Variants in AK9 observed in about 807,000 individuals in gnomAD.
AK9 encodes adenylate kinase 9, also known as adenylate kinase domain containing 1.
AK9 carries 191 observed loss-of-function variants against 239.6 expected under a neutral mutation model. The observed-to-expected ratio is 0.80, with a 90% CI of 0.71 to 0.90. AK9 has a LOEUF of 0.90. Among genes scored for constraint, AK9 ranks in the 40% least tolerant of loss-of-function variants. The pLI, the probability that AK9 is intolerant of heterozygous loss-of-function variation, is 0.00. For synonymous variants in AK9, 689 were observed against 721.0 expected (o/e 0.96, Z 0.71); for missense variants, 1,995 against 2,214.7 (o/e 0.90, Z 1.99).
chr6:109,602,505 C>T (rs28823411), intron 17 of AK9, among the ~76,000 whole-genome samples: 2 of 151,980 alleles, frequency 1.3e-5, no homozygotes, highest in East Asian at 1.9e-4. Flanking sequence ...CTGCCCTTAA[C>T]ATTTTTTCCT....
intron 29 of AK9, among the ~76,000 whole-genome samples, chr6:109,518,309 C>T (rs1466854222): frequency 6.6e-6 from 1 of 152,036 alleles, no homozygotes; most frequent in African/African-American, 2.4e-5. Flanking sequence ...ATCATTTAGC[C>T]TCCTTACGAC....
chr6:109,508,748 G>T (rs1226829120), intron 33 of AK9, among the ~76,000 whole-genome samples: 1 of 152,128 alleles, frequency 6.6e-6, no homozygotes, highest in Non-Finnish European at 1.5e-5. Context: ...GTCCAAATGT[G>T]GTGTTAAGGG....
Position 109,586,031 on chromosome 6 carries a change from T to A in AK9, c.1884A>T (p.Lys628Asn). The change falls in exon 18 of 41, where the codon AAA becomes AAT. Residue 628 changes from lysine (K) to asparagine (N), a missense_variant. By Grantham distance (94) the Lys-to-Asn change is moderately conservative. Coordinates refer to ENST00000424296, the MANE Select transcript of AK9 (RefSeq NM_001145128.3). Reference sequence around the variant, plus strand: ...AGTTGTCCACAATCCAGCCTCCATATTTTGGGGCACCAGGAAACCTATCCT... The same window carrying A: ...AGTTGTCCACAATCCAGCCTCCATAATTTGGGGCACCAGGAAACCTATCCT... ...ENKDRFPGAP[K>N]YGGWIVDNCP... 3 of 1,551,264 alleles carry A rather than the reference T, an allele frequency of 1.9e-6. No homozygotes were observed. Among genetic ancestry groups the A allele is most frequent in the Non-Finnish European group, 2.6e-6 (3 of 1,146,842 alleles).
chr6:109,687,494 G>A (rs1304756451), intron 1 of AK9, among the ~76,000 whole-genome samples: 1 of 152,192 alleles, frequency 6.6e-6, no homozygotes, highest in African/African-American at 2.4e-5. Context: ...CTTTCTGTTG[G>A]CTTGGAAGAA....
intron 26 of AK9, among the ~76,000 whole-genome samples, chr6:109,545,442 C>A (rs552590920): frequency 6.6e-6 from 1 of 152,126 alleles, no homozygotes; most frequent in Non-Finnish European, 1.5e-5. Flanking sequence ...TGGGGGCAGG[C>A]CTTTCCCATG....
Position 109,599,642 on chromosome 6 carries a change from T to C in AK9, c.1842+10723A>G, listed in dbSNP as rs567598656. Among the ~76,000 whole-genome samples the C allele has an allele frequency of 3.3e-3, 501 of 152,308 alleles. 7 individuals are homozygous for C. The highest frequency in any genetic ancestry group is 0.019 in the Admixed American group (297 of 15,292). ...CATTGGTAGCTTGATGGGGATGGCATTGAATCTATAAATTACCTTGGGCAG... is the reference window on the plus strand; with the variant it reads ...CATTGGTAGCTTGATGGGGATGGCACTGAATCTATAAATTACCTTGGGCAG... On this transcript the variant is annotated intron_variant, in intron 17 of 40. Coordinates refer to ENST00000424296, the MANE Select transcript of AK9 (RefSeq NM_001145128.3).
chr6:109,567,903 AG>A (rs200361749), intron 21 of AK9, among the ~76,000 whole-genome samples: 1,699 of 151,436 alleles, frequency 0.011, 29 homozygotes, highest in African/African-American at 0.038. Context: ...AAAAAGAAAA[AG>A]GGAATCCTCC....
At chr6:109,626,030 T>C (rs2128258827) in intron 12 of AK9, among the ~76,000 whole-genome samples, 1 of 152,270 alleles carries the variant, frequency 6.6e-6, no homozygotes, top group African/African-American at 2.4e-5. Context: ...TCTTTCAATA[T>C]TTTTTTCTCC....
At chr6:109,640,064 T>C (rs1797207801) in intron 10 of AK9, among the ~76,000 whole-genome samples, 2 of 152,210 alleles carry the variant, frequency 1.3e-5, no homozygotes, top group South Asian at 2.1e-4. Context: ...TGTAGTATAG[T>C]TTGAAGTCAG....
intron 28 of AK9, among the ~76,000 whole-genome samples, chr6:109,529,970 C>A (rs1408294686): frequency 1.3e-5 from 2 of 152,102 alleles, no homozygotes; most frequent in Non-Finnish European, 1.5e-5. Flanking sequence ...GTTGGGAACC[C>A]CTGGCCTAAC....
intron 17 of AK9, among the ~76,000 whole-genome samples, chr6:109,603,939 G>A (rs1231673049): frequency 4.6e-5 from 7 of 152,172 alleles, no homozygotes; most frequent in Non-Finnish European, 1.0e-4. Flanking sequence ...TATTAGGGTT[G>A]GAGTGACCCG....
chr6:109,616,034 G>C (rs1395483622), intron 13 of AK9, among the ~76,000 whole-genome samples: 2 of 151,902 alleles, frequency 1.3e-5, no homozygotes, highest in African/African-American at 4.8e-5. Context: ...CCAGGAGTTA[G>C]AGACCAGCCT....
intron 29 of AK9, among the ~76,000 whole-genome samples, chr6:109,520,320 A>G (rs1779703071): frequency 6.6e-6 from 1 of 152,174 alleles, no homozygotes; most frequent in Admixed American, 6.5e-5. Flanking sequence ...ATCCAGTTTC[A>G]TTCTTCTGCA....
intron 17 of AK9, among the ~76,000 whole-genome samples, chr6:109,608,260 CAG>C (rs1654653780): frequency 7.2e-6 from 1 of 138,956 alleles, no homozygotes; most frequent in African/African-American, 2.7e-5. Flanking sequence ...GCCTGGGTGA[CAG>C]AGCGAGACTC....
rs969366906 is a variant in AK9 at position 109,528,995 on chromosome 6, A to G, written c.3633+16T>C. On this transcript the variant is annotated intron_variant, in intron 29 of 40. Transcript: ENST00000424296. ...GAGTGAGACCCTGTTTTGAAAAAAA[A>G]AACAAAACTACTTACCTCCCTCCTT... The G allele has an allele frequency of 7.2e-6, 9 of 1,256,014 alleles. No individual in the cohort carries two copies. The African/African-American group carries it at 1.1e-4, about 16-fold the overall frequency. The allele number at this position is 1,256,014 out of a possible 1,614,324, so 77.8% of individuals were successfully genotyped here. A position where few individuals can be genotyped will look rare whatever the true frequency, so the allele number is the denominator to read the frequency against.
chr6:109,690,543 C>G (rs1320734060), intron 1 of AK9: 4 of 151,896 alleles, frequency 2.6e-5, no homozygotes, highest in Admixed American at 2.6e-4. Context: ...GGGCGGTTGC[C>G]GGGGAGACCT....
chr6:109,654,012 T>A (rs1349970151), intron 8 of AK9, among the ~76,000 whole-genome samples: 1 of 150,224 alleles, frequency 6.7e-6, no homozygotes, highest in African/African-American at 2.4e-5. Context: ...AAGACCCACC[T>A]CCATCCTTCC....
At position 109,585,469 on chromosome 6, in the gene AK9, T is replaced by C. The variant is rs1260896946; in HGVS notation, c.2000-232A>G. On this transcript the variant is annotated intron_variant, in intron 18 of 40. Coordinates refer to ENST00000424296, the MANE Select transcript of AK9 (RefSeq NM_001145128.3). ...ATAAGTAAAACATGAAAAGAGGTAG[T>C]ATATTATATTTTTCCCCTGGCAATT... 2.6e-5 allele frequency among the ~76,000 whole-genome samples: 4 copies of C among 152,104 alleles called. No homozygotes were observed. The East Asian group carries it at 7.7e-4, about 29-fold the overall frequency.
intron 12 of AK9, among the ~76,000 whole-genome samples, chr6:109,629,635 A>C (rs891275422): frequency 6.1e-5 from 9 of 148,048 alleles, no homozygotes; most frequent in Non-Finnish European, 1.3e-4. Context: ...TATTTGAAAA[A>C]TTTTTTTTTT....
Sources: allele counts gnomAD v4.1 joint callset (sites outside exome capture counted in the v4.1 genomes callset), GRCh38; gene constraint gnomAD v4.1.1; transcripts MANE v1.5; gene names NCBI Gene and HGNC (gene_info 2026-07-23, HGNC 2026-07-21).